Variants in ZCCHC14 observed in about 807,000 individuals in gnomAD.
ZCCHC14 encodes the protein zinc finger CCHC domain-containing protein 14.
In ZCCHC14, 16 loss-of-function variants were observed where a neutral mutation model predicts 85.0. The observed-to-expected ratio is 0.19, with a 90% CI of 0.13 to 0.29. The LOEUF is 0.29. Ranked by LOEUF, ZCCHC14 falls within the 10% of genes least tolerant of loss-of-function variation. ZCCHC14 has a pLI of 1.00. For synonymous variants in ZCCHC14, 775 were observed against 630.7 expected (o/e 1.23, Z -3.43); for missense variants, 1,303 against 1,443.5 (o/e 0.90, Z 1.58).
chr16:87,460,697 A>G (rs892314705), intron 1 of ZCCHC14, among the ~76,000 whole-genome samples: 1 of 152,208 alleles, frequency 6.6e-6, no homozygotes, highest in African/African-American at 2.4e-5. Flanking sequence ...CTCCAAGAAA[A>G]AAAAAAGGAA....
chr16:87,414,135 A>C (rs1462111228), intron 10 of ZCCHC14, among the ~76,000 whole-genome samples: 1 of 135,234 alleles, frequency 7.4e-6, no homozygotes, highest in Non-Finnish European at 1.5e-5. Context: ...TCTGTGTACG[A>C]GTAACCCACC....
chr16:87,451,199 C>CTTT (rs35771265), intron 2 of ZCCHC14, among the ~76,000 whole-genome samples: 4 of 136,690 alleles, frequency 2.9e-5, no homozygotes, highest in East Asian at 4.4e-4. Flanking sequence ...GGCGCCCAGC[C>CTTT]TTTTTTTTTT....
chr16:87,457,645 G>GTA (rs2150756570), intron 2 of ZCCHC14, among the ~76,000 whole-genome samples: 2 of 152,304 alleles, frequency 1.3e-5, no homozygotes, highest in East Asian at 3.9e-4. Context: ...CTGTATCACT[G>GTA]TAAGACTTCT....
At chr16:87,438,922 A>C (rs1270945933) in intron 2 of ZCCHC14, among the ~76,000 whole-genome samples, 4 of 152,222 alleles carry the variant, frequency 2.6e-5, no homozygotes, top group East Asian at 3.9e-4. Flanking sequence ...CTTTGTTACT[A>C]ATGAGCAGAC....
intron 1 of ZCCHC14, among the ~76,000 whole-genome samples, chr16:87,474,839 G>A (rs997436684): frequency 1.3e-5 from 2 of 152,230 alleles, no homozygotes; most frequent in African/African-American, 4.8e-5. Flanking sequence ...CCTGCAACAG[G>A]CAGGCACGGG....
chr16:87,449,819 T>G (rs1910610451), intron 2 of ZCCHC14, among the ~76,000 whole-genome samples: 1 of 152,082 alleles, frequency 6.6e-6, no homozygotes, highest in Non-Finnish European at 1.5e-5. Flanking sequence ...CCGAGGTGGG[T>G]GGATGGCTTG....
At position 87,411,973 on chromosome 16, in the gene ZCCHC14, G is replaced by C; in HGVS notation, c.2748C>G (p.Ala916=). Residue 916 remains alanine, a synonymous_variant, in exon 12 of 13, where the codon GCC becomes GCG. Coordinates refer to ENST00000671377, the MANE Select transcript of ZCCHC14 (RefSeq NM_015144.3). ...ACACAATGCAGCCTGGCGGGGGTGG[G>C]GCGGGCTGCGGGGGTGCCGGGGGCT... The part of the protein sequence containing the change: ...HQQPPAPPQP[A]PPPPGCIVCT... The C allele has an allele frequency of 6.2e-7, 1 of 1,603,832 alleles. No homozygotes were observed. The highest frequency in any genetic ancestry group is 8.5e-7 in the Non-Finnish European group (1 of 1,176,410).
At chr16:87,449,862 T>C (rs1181329933) in intron 2 of ZCCHC14, among the ~76,000 whole-genome samples, 1 of 152,114 alleles carries the variant, frequency 6.6e-6, no homozygotes, top group Admixed American at 6.5e-5. Flanking sequence ...CTGGCCAACA[T>C]GGCAAAACCC....
At chr16:87,480,709 T>A (rs1567543965) in intron 1 of ZCCHC14, among the ~76,000 whole-genome samples, 1 of 152,160 alleles carries the variant, frequency 6.6e-6, no homozygotes, top group Non-Finnish European at 1.5e-5. Context: ...TAGGCTCTAG[T>A]GATTTAAAAA....
At chr16:87,417,857 C>G (rs1208249844) in intron 7 of ZCCHC14, 115 bp from the exon 8 acceptor site, 42 of 1,321,202 alleles carry the variant, frequency 3.2e-5, no homozygotes, top group Non-Finnish European at 4.1e-5. Flanking sequence ...TTGGCCGGCC[C>G]TGTTGTCACA....
At chr16:87,459,801 G>A (rs761317010) in intron 2 of ZCCHC14, among the ~76,000 whole-genome samples, 2 of 152,136 alleles carry the variant, frequency 1.3e-5, no homozygotes, top group Admixed American at 6.5e-5. Context: ...GAGAAACCAC[G>A]TCTGGACTTC....
Position 87,491,195 on chromosome 16 carries a change from G to A in ZCCHC14, c.570+474C>T, listed in dbSNP as rs566204025. 1.5e-3 allele frequency among the ~76,000 whole-genome samples: 224 copies of A among 152,342 alleles called. No individual in the cohort carries two copies. The highest frequency in any genetic ancestry group is 5.3e-3 in the African/African-American group (219 of 41,580). On this transcript the variant is annotated intron_variant, in intron 1 of 12. Transcript: ENST00000671377. The surrounding 1 kb of genome is among the most constrained non-coding windows in gnomAD (Gnocchi z 5.9). ...GGGACTGTGAGCTCTGACCGCGGACGTCTCCCGCACCGCTCCCGCGGATCC... is the reference window on the plus strand; with the variant it reads ...GGGACTGTGAGCTCTGACCGCGGACATCTCCCGCACCGCTCCCGCGGATCC...
rs1305861819 is a variant in ZCCHC14 at position 87,406,664 on chromosome 16, ACTGC to A, written c.*3612_*3615del. 6.6e-6 allele frequency: 1 copy of A among 152,294 alleles called. No homozygotes were observed. Among genetic ancestry groups the A allele is most frequent in the Non-Finnish European group, 1.5e-5 (1 of 68,048 alleles). The allele number at this position is 152,294 out of a possible 1,614,324, so 9.4% of individuals were successfully genotyped here. ...GCACGTGAGGCCGCGGCGGATGGCC[ACTGC>A]CCCCTTCCTTGGTGAACAGTGGAGC... On this transcript the variant is annotated 3_prime_UTR_variant, in exon 13 of 13. Transcript: ENST00000671377.
At position 87,420,500 on chromosome 16, in the gene ZCCHC14, G is replaced by A. The variant is rs1909036611; in HGVS notation, c.950+107C>T. Reference sequence around the variant, plus strand: ...AGGCCAAGTAGAGACCCAGGTCCAGGTGACCGCGCATCCTCCCAGAGCTCC... The same window carrying A: ...AGGCCAAGTAGAGACCCAGGTCCAGATGACCGCGCATCCTCCCAGAGCTCC... On this transcript the variant is annotated intron_variant, in intron 5 of 12. Coordinates refer to ENST00000671377, the MANE Select transcript of ZCCHC14 (RefSeq NM_015144.3). The surrounding 1 kb of genome is among the most constrained non-coding windows in gnomAD (Gnocchi z 5.0). 1 of 835,818 alleles carries A rather than the reference G, an allele frequency of 1.2e-6. No homozygotes were observed. The highest frequency in any genetic ancestry group is 2.9e-5 in the Admixed American group (1 of 34,826). 51.8% of individuals were successfully genotyped at this position (835,818 alleles called of 1,614,324 possible).
At chr16:87,478,211 G>A (rs900934061) in intron 1 of ZCCHC14, among the ~76,000 whole-genome samples, 2 of 152,154 alleles carry the variant, frequency 1.3e-5, no homozygotes, top group African/African-American at 4.8e-5. Flanking sequence ...ACGACGTGTG[G>A]CACAATGCAG....
At chr16:87,413,269 C>G (rs1409771771) in intron 10 of ZCCHC14, 74 bp from the exon 11 acceptor site, 2 of 1,446,092 alleles carry the variant, frequency 1.4e-6, no homozygotes, top group Admixed American at 5.4e-5. Flanking sequence ...GCCCCTGCAT[C>G]GCACTGTCGG....
chr16:87,447,399 G>A (rs1046821125), intron 2 of ZCCHC14, among the ~76,000 whole-genome samples: 3 of 152,178 alleles, frequency 2.0e-5, no homozygotes, highest in African/African-American at 7.2e-5. Flanking sequence ...ATATGCCCAT[G>A]TGATCACTAA....
At chr16:87,447,463 T>C (rs1160713945) in intron 2 of ZCCHC14, among the ~76,000 whole-genome samples, 1 of 152,242 alleles carries the variant, frequency 6.6e-6, no homozygotes, top group Admixed American at 6.5e-5. Context: ...TTGAACGTCA[T>C]ATAAACAGGA....
At chr16:87,475,201 C>T (rs925039192) in intron 1 of ZCCHC14, among the ~76,000 whole-genome samples, 3 of 152,142 alleles carry the variant, frequency 2.0e-5, no homozygotes, top group Admixed American at 2.0e-4. Flanking sequence ...GGCAAAGGGA[C>T]TTAGGCTGGA....
Sources: allele counts gnomAD v4.1 joint callset (sites outside exome capture counted in the v4.1 genomes callset), GRCh38; gene constraint gnomAD v4.1.1; non-coding constraint Gnocchi (gnomAD v3.1); transcripts MANE v1.5; gene names NCBI Gene and HGNC (gene_info 2026-07-23, HGNC 2026-07-21).